Variants in NKAIN3 observed in about 807,000 individuals in gnomAD.
NKAIN3 encodes the protein sodium/potassium transporting ATPase interacting 3.
NKAIN3 carries 25 observed loss-of-function variants against 30.2 expected under a neutral mutation model. The observed-to-expected ratio is 0.83, with a 90% CI of 0.60 to 1.16. The LOEUF (loss-of-function observed/expected upper bound fraction) is 1.16, where lower values mean the gene tolerates loss of function less well. NKAIN3 is among the 50% of genes most tolerant of loss of function. NKAIN3 has a pLI of 0.00. For missense variants in NKAIN3, 225 were observed against 254.1 expected, an observed-to-expected ratio of 0.89 and a Z score of 0.78; for synonymous variants, 91 against 89.6, an observed-to-expected ratio of 1.02 and a Z score of -0.09.
chr8:62,308,173 C>T (rs1814314923), intron 1 of NKAIN3, among the ~76,000 whole-genome samples: 1 of 150,330 alleles, frequency 6.7e-6, no homozygotes, highest in African/African-American at 2.5e-5. Flanking sequence ...AAAATGATAC[C>T]TTTTAATTAC....
chr8:62,345,634 T>TATATAC (rs1326200921), intron 1 of NKAIN3, among the ~76,000 whole-genome samples: 3 of 141,566 alleles, frequency 2.1e-5, no homozygotes, highest in African/African-American at 9.1e-5. Context: ...TATATACACA[T>TATATAC]ATATGTATAT....
chr8:62,725,682 G>A (rs1429828561), intron 3 of NKAIN3, among the ~76,000 whole-genome samples: 1 of 151,940 alleles, frequency 6.6e-6, no homozygotes, highest in Non-Finnish European at 1.5e-5. Context: ...ATTTATTTCT[G>A]GGTTCTTTAT....
intron 5 of NKAIN3, among the ~76,000 whole-genome samples, chr8:62,996,010 C>T (rs1804104182): frequency 6.6e-6 from 1 of 152,148 alleles, no homozygotes; most frequent in South Asian, 2.1e-4. Context: ...AACCACTGGT[C>T]CACACCTTCT....
intron 1 of NKAIN3, among the ~76,000 whole-genome samples, chr8:62,563,821 G>A (rs1336318917): frequency 2.0e-5 from 3 of 152,140 alleles, no homozygotes; most frequent in South Asian, 2.1e-4. Context: ...TTAGTTTAAT[G>A]TACATTAAGA....
At chr8:62,367,295 A>G (rs1431014087) in intron 1 of NKAIN3, among the ~76,000 whole-genome samples, 2 of 152,332 alleles carry the variant, frequency 1.3e-5, no homozygotes, top group Non-Finnish European at 2.9e-5. Context: ...GATGTCCCTG[A>G]TGAACATAGA....
chr8:62,354,841 C>T (rs562505477), intron 1 of NKAIN3, among the ~76,000 whole-genome samples: 21 of 152,290 alleles, frequency 1.4e-4, no homozygotes, highest in Admixed American at 6.5e-4. Context: ...AAGAAGGCTC[C>T]CTGATACATG....
At chr8:62,674,777 C>G (rs1261626357) in intron 3 of NKAIN3, among the ~76,000 whole-genome samples, 1 of 152,006 alleles carries the variant, frequency 6.6e-6, no homozygotes, top group Admixed American at 6.6e-5. Context: ...AGAGACTAGC[C>G]GGAAGGGAAG....
intron 1 of NKAIN3, among the ~76,000 whole-genome samples, chr8:62,371,989 G>C (rs1438774551): frequency 6.6e-6 from 1 of 151,562 alleles, no homozygotes; most frequent in East Asian, 1.9e-4. Flanking sequence ...TTTCTGTTTT[G>C]CTTTTTTTTC....
rs140522049 is a variant in NKAIN3, at chr8:62,716,738, G to A, written c.274-30194G>A. 2.6e-3 allele frequency among the ~76,000 whole-genome samples: 392 copies of A among 150,060 alleles called. 2 individuals carry two copies. Among genetic ancestry groups the A allele is most frequent in the African/African-American group, 9.2e-3 (370 of 40,274 alleles). On this transcript the variant is annotated intron_variant, in intron 3 of 6. Coordinates refer to ENST00000623646, the MANE Select transcript of NKAIN3 (RefSeq NM_001304533.3). Reference sequence around the variant, plus strand: ...CCTTTGACCTGGAAACTGGAATTCTGAGAAGAAAAAAAAAAACAAACAAAA... The same window carrying A: ...CCTTTGACCTGGAAACTGGAATTCTAAGAAGAAAAAAAAAAACAAACAAAA...
chr8:62,760,993 A>G (rs1457910291), intron 4 of NKAIN3, among the ~76,000 whole-genome samples: 4 of 152,156 alleles, frequency 2.6e-5, no homozygotes, highest in East Asian at 1.9e-4. Context: ...AGCACTTTAC[A>G]TCTACTGCAT....
At chr8:62,801,481 C>A (rs1343407674) in intron 4 of NKAIN3, among the ~76,000 whole-genome samples, 2 of 152,222 alleles carry the variant, frequency 1.3e-5, no homozygotes, top group Non-Finnish European at 2.9e-5. Flanking sequence ...TGTTCTGCAG[C>A]CACCGCTGCT....
chr8:62,853,217 T>C (rs1819964491), intron 4 of NKAIN3, among the ~76,000 whole-genome samples: 1 of 152,208 alleles, frequency 6.6e-6, no homozygotes. Context: ...AATGGCCTTC[T>C]TTGTCTCTTT....
intron 5 of NKAIN3, among the ~76,000 whole-genome samples, chr8:62,949,063 G>T (rs950523934): frequency 2.0e-5 from 3 of 152,214 alleles, no homozygotes; most frequent in Non-Finnish European, 4.4e-5. Context: ...AGCTGAGGGT[G>T]ACTCTCCCCA....
intron 1 of NKAIN3, among the ~76,000 whole-genome samples, chr8:62,502,839 G>T (rs1439083201): frequency 6.6e-6 from 1 of 152,212 alleles, no homozygotes; most frequent in Non-Finnish European, 1.5e-5. Context: ...TAACACAAGA[G>T]CATGGCCTTT....
chr8:62,462,153 T>C (rs957209928), intron 1 of NKAIN3, among the ~76,000 whole-genome samples: 2 of 152,110 alleles, frequency 1.3e-5, no homozygotes, highest in Non-Finnish European at 2.9e-5. Context: ...ACAGAGTCCA[T>C]GGGCACAGGC....
chr8:62,589,546 T>C (rs963655636), intron 2 of NKAIN3, among the ~76,000 whole-genome samples, 168 bp from the exon 3 acceptor site: 6 of 151,688 alleles, frequency 4.0e-5, no homozygotes, highest in Non-Finnish European at 8.9e-5. Flanking sequence ...GAATTTTTAA[T>C]TTCTGGAAAG....
chr8:62,874,929 C>T (rs1391220711), intron 4 of NKAIN3, among the ~76,000 whole-genome samples: 1 of 152,154 alleles, frequency 6.6e-6, no homozygotes, highest in Non-Finnish European at 1.5e-5. Context: ...CCCTCTCTCA[C>T]CACTCCTATT....
chr8:62,878,808 A>G (rs939744573), intron 4 of NKAIN3, among the ~76,000 whole-genome samples: 2 of 152,060 alleles, frequency 1.3e-5, no homozygotes, highest in Non-Finnish European at 2.9e-5. Context: ...GATGGTTTCC[A>G]GCTTCATCCA....
At chr8:62,995,714 CAATT>C (rs548107374) in intron 5 of NKAIN3, among the ~76,000 whole-genome samples, 1 of 152,120 alleles carries the variant, frequency 6.6e-6, no homozygotes, top group Non-Finnish European at 1.5e-5. Context: ...AGTGGACAAT[CAATT>C]CAGAATTTAT....
Sources: allele counts gnomAD v4.1 joint callset (sites outside exome capture counted in the v4.1 genomes callset), GRCh38; gene constraint gnomAD v4.1.1; transcripts MANE v1.5; gene names NCBI Gene and HGNC (gene_info 2026-07-23, HGNC 2026-07-21).